The following WDFY2 variants were observed in gnomAD, a reference collection of about 807,000 sequenced individuals.
WDFY2 encodes the protein WD repeat and FYVE domain containing 2.
A neutral mutation model predicts 56.4 loss-of-function variants in WDFY2; 36 were observed. The ratio of observed to expected loss-of-function variants is 0.64; its 90% CI spans 0.49 to 0.84. The LOEUF is 0.84. Ranked by LOEUF, WDFY2 falls within the 40% of genes least tolerant of loss-of-function variation. The pLI is 0.00. For missense variants in WDFY2, 444 were observed against 512.2 expected (o/e 0.87, Z 1.29); for synonymous variants, 176 against 183.7 (o/e 0.96, Z 0.34).
intron 3 of WDFY2, among the ~76,000 whole-genome samples, chr13:51,687,343 A>T (rs949669590): frequency 6.6e-6 from 1 of 151,994 alleles, no homozygotes; most frequent in Non-Finnish European, 1.5e-5. Flanking sequence ...TATAATTTAT[A>T]TATGTTAGAA....
chr13:51,689,877 CTG>C (rs945938731), intron 3 of WDFY2, among the ~76,000 whole-genome samples: 63 of 152,242 alleles, frequency 4.1e-4, no homozygotes, highest in African/African-American at 1.5e-3. Context: ...AGTTTTCAAA[CTG>C]TGATCTGTGA....
At chr13:51,595,432 C>T (rs566791941) in intron 1 of WDFY2, among the ~76,000 whole-genome samples, 1 of 152,286 alleles carries the variant, frequency 6.6e-6, no homozygotes, top group South Asian at 2.1e-4. Flanking sequence ...TTCACATAAA[C>T]ACCCAGATTG....
intron 1 of WDFY2, among the ~76,000 whole-genome samples, chr13:51,600,643 T>C (rs1954256811): frequency 6.6e-6 from 1 of 152,176 alleles, no homozygotes; most frequent in Non-Finnish European, 1.5e-5. Flanking sequence ...TCTGGAATTA[T>C]GGCCAGAAGT....
chr13:51,648,294 T>G (rs1041625241), intron 1 of WDFY2, among the ~76,000 whole-genome samples: 2 of 152,208 alleles, frequency 1.3e-5, no homozygotes, highest in African/African-American at 4.8e-5. Flanking sequence ...TCAACCTAGC[T>G]TCCTTGCTGC....
chr13:51,652,258 T>G (rs1339326272), intron 1 of WDFY2, among the ~76,000 whole-genome samples: 1 of 152,196 alleles, frequency 6.6e-6, no homozygotes, highest in Non-Finnish European at 1.5e-5. Context: ...ATTTGCTTGG[T>G]AGATCTTCCT....
At chr13:51,707,638 A>C (rs1952111794) in intron 4 of WDFY2, among the ~76,000 whole-genome samples, 1 of 152,216 alleles carries the variant, frequency 6.6e-6, no homozygotes, top group Admixed American at 6.5e-5. Context: ...GGGAAAAAGA[A>C]AGTGATGCCA....
At chr13:51,672,849 G>T (rs542551450) in intron 2 of WDFY2, among the ~76,000 whole-genome samples, 1 of 152,118 alleles carries the variant, frequency 6.6e-6, no homozygotes, top group Non-Finnish European at 1.5e-5. Flanking sequence ...TCTCAGCTTG[G>T]TCACTGTTGA....
In WDFY2 at chr13:51,760,776, A is replaced by G. The variant is rs1953556193; in HGVS notation, c.*1007A>G. ...CGCAACCTAAATCCCTCGCATGCGCAGTTCACAATAGAGTTTCTGCTCCTG... is the reference window on the plus strand; with the variant it reads ...CGCAACCTAAATCCCTCGCATGCGCGGTTCACAATAGAGTTTCTGCTCCTG... On this transcript the variant is annotated 3_prime_UTR_variant, in exon 12 of 12. Coordinates refer to ENST00000298125, the MANE Select transcript of WDFY2 (RefSeq NM_052950.4). 6.6e-6 allele frequency: 1 copy of G among 152,320 alleles called. No individual in the cohort carries two copies. The highest frequency in any genetic ancestry group is 1.5e-5 in the Non-Finnish European group (1 of 68,036). 9.4% of individuals were successfully genotyped at this position (152,320 alleles called of 1,614,324 possible).
chr13:51,759,728 T>C lies in WDFY2; in HGVS notation c.1174-12T>C, dbSNP rs1953520329. 1 of 1,614,002 alleles carries C rather than the reference T, an allele frequency of 6.2e-7. No homozygotes were observed. The highest frequency in any genetic ancestry group is 2.2e-5 in the East Asian group (1 of 44,882). On this transcript the variant is annotated splice_polypyrimidine_tract_variant and intron_variant, in intron 11 of 11. Coordinates refer to ENST00000298125, the MANE Select transcript of WDFY2 (RefSeq NM_052950.4). The stretch of plus-strand genomic sequence containing the variant: ...TTTTAGTTCATTCTGTATCTTCTTT[T>C]TCTTTTTGCAGTTGTGGGATATGAC...
At chr13:51,599,266 G>C (rs1257306523) in intron 1 of WDFY2, 3 of 152,204 alleles carry the variant, frequency 2.0e-5, no homozygotes, top group Admixed American at 2.0e-4. Flanking sequence ...GGCCTTGGAG[G>C]CTACTTACTG....
At chr13:51,641,617 G>A (rs989465743) in intron 1 of WDFY2, among the ~76,000 whole-genome samples, 1 of 150,208 alleles carries the variant, frequency 6.7e-6, no homozygotes, top group East Asian at 2.0e-4. Context: ...ACGAGGTCAG[G>A]AGATCGAGAC....
At chr13:51,616,649 A>G (rs1052818053) in intron 1 of WDFY2, among the ~76,000 whole-genome samples, 1 of 152,200 alleles carries the variant, frequency 6.6e-6, no homozygotes, top group African/African-American at 2.4e-5. Context: ...GCTTTTAAAG[A>G]CTTCTGTCAC....
In WDFY2 at chr13:51,753,491, A is replaced by C. The variant is rs3742283; in HGVS notation, c.832-1867A>C. 9.2e-5 allele frequency among the ~76,000 whole-genome samples: 14 copies of C among 152,342 alleles called. No homozygotes were observed. In the East Asian group the frequency reaches 2.1e-3, roughly 23 times the overall value. The stretch of plus-strand genomic sequence containing the variant: ...GAAAAGTTACAAAATGCTCATTAGT[A>C]AATAGAAAAGATGTCAATTACTCAT... On this transcript the variant is annotated intron_variant, in intron 8 of 11. Transcript: ENST00000298125.
chr13:51,709,694 A>C (rs1952166070), intron 4 of WDFY2, among the ~76,000 whole-genome samples: 1 of 152,218 alleles, frequency 6.6e-6, no homozygotes, highest in African/African-American at 2.4e-5. Context: ...GAAGAAATGG[A>C]TACATTCCTG....
chr13:51,667,368 T>A lies in WDFY2; in HGVS notation c.205+6705T>A, dbSNP rs1282886488. Among the ~76,000 whole-genome samples the A allele has an allele frequency of 2.6e-5, 4 of 152,222 alleles. No homozygotes were observed. In the East Asian group the frequency reaches 7.7e-4, roughly 29 times the overall value. On this transcript the variant is annotated intron_variant, in intron 2 of 11. Transcript: ENST00000298125. ...TTATCTGGAATGGAAATGAGTTATT[T>A]TGTAAGTAAGTTGAAAGTGTTAGTT...
At chr13:51,627,011 C>G (rs911399480) in intron 1 of WDFY2, among the ~76,000 whole-genome samples, 1 of 152,248 alleles carries the variant, frequency 6.6e-6, no homozygotes, top group African/African-American at 2.4e-5. Context: ...CACAGCCAGG[C>G]ATGCTGGCTG....
intron 1 of WDFY2, among the ~76,000 whole-genome samples, chr13:51,606,572 T>G (rs1036477793): frequency 6.6e-6 from 1 of 152,166 alleles, no homozygotes; most frequent in African/African-American, 2.4e-5. Flanking sequence ...GACCTTTTAT[T>G]AACAAATATA....
At chr13:51,687,049 A>G (rs1001677962) in intron 3 of WDFY2, among the ~76,000 whole-genome samples, 59 of 150,318 alleles carry the variant, frequency 3.9e-4, no homozygotes, top group Admixed American at 2.0e-3. Flanking sequence ...ACTTATTTAT[A>G]TATATATATA....
intron 1 of WDFY2, among the ~76,000 whole-genome samples, chr13:51,622,282 C>T (rs527820836): frequency 2.0e-5 from 3 of 152,176 alleles, no homozygotes; most frequent in Admixed American, 6.5e-5. Flanking sequence ...TCTCTCCCCC[C>T]CTCCTTTTTT....
Sources: gnomAD v4.1 joint callset for allele counts (sites outside exome capture counted in the v4.1 genomes callset) on GRCh38, gnomAD v4.1.1 for gene constraint, MANE v1.5 for transcripts, NCBI Gene and HGNC (gene_info 2026-07-23, HGNC 2026-07-21) for gene names.